Variants in BNC2 observed in about 807,000 individuals in gnomAD.
BNC2 encodes zinc finger protein basonuclin-2.
Under a neutral mutation model 76.3 loss-of-function variants are expected in BNC2, and 20 were observed. The observed-to-expected ratio is 0.26, with a 90% CI of 0.18 to 0.38. The LOEUF (loss-of-function observed/expected upper bound fraction) is 0.38, where lower values mean the gene tolerates loss of function less well. Among genes scored for constraint, BNC2 ranks in the 10% least tolerant of loss-of-function variants. BNC2 has a pLI of 1.00. For synonymous variants in BNC2, 582 were observed against 514.8 expected, an observed-to-expected ratio of 1.13 and a Z score of -1.77; for missense variants, 1,382 against 1,399.8, an observed-to-expected ratio of 0.99 and a Z score of 0.20.
chr9:16,435,193 T>C, intron 6 of BNC2: 11 of 390,668 alleles, frequency 2.8e-5, no homozygotes, highest in Non-Finnish European at 5.0e-5. Context: ...TAAATATATA[T>C]ATAACAGAAG....
At chr9:16,842,349 G>A (rs1162185861) in intron 1 of BNC2, among the ~76,000 whole-genome samples, 1 of 152,142 alleles carries the variant, frequency 6.6e-6, no homozygotes, top group East Asian at 1.9e-4. Context: ...ATGGGTGTTT[G>A]GCACTTGCAT....
intron 1 of BNC2, among the ~76,000 whole-genome samples, chr9:16,851,276 G>C (rs1819120724): frequency 6.6e-6 from 1 of 152,190 alleles, no homozygotes; most frequent in Non-Finnish European, 1.5e-5. Context: ...GGGAGGCCAA[G>C]GCAGGAGGAT....
intron 5 of BNC2, among the ~76,000 whole-genome samples, chr9:16,456,264 T>C (rs745681785): frequency 1.3e-5 from 2 of 152,192 alleles, no homozygotes; most frequent in African/African-American, 4.8e-5. Flanking sequence ...TCTTTCAGCA[T>C]CTGTTTTTAT....
chr9:16,781,309 G>A (rs1260202594), intron 1 of BNC2, among the ~76,000 whole-genome samples: 1 of 151,884 alleles, frequency 6.6e-6, no homozygotes, highest in Non-Finnish European at 1.5e-5. Flanking sequence ...AAAAAAGCAG[G>A]GGCACAGAAG....
chr9:16,659,593 C>T (rs1029195682), intron 3 of BNC2, among the ~76,000 whole-genome samples: 15 of 136,236 alleles, frequency 1.1e-4, no homozygotes, highest in South Asian at 2.3e-4. Flanking sequence ...GGTGACAGAG[C>T]GAGACTCCGT....
intron 3 of BNC2, among the ~76,000 whole-genome samples, chr9:16,670,273 T>A (rs1822436057): frequency 6.6e-6 from 1 of 152,108 alleles, no homozygotes; most frequent in South Asian, 2.1e-4. Context: ...GTGGCAGAAT[T>A]CTGCTAAATA....
intron 5 of BNC2, among the ~76,000 whole-genome samples, chr9:16,441,200 A>C (rs1329876697): frequency 6.6e-6 from 1 of 152,180 alleles, no homozygotes; most frequent in Non-Finnish European, 1.5e-5. Context: ...GCTACTTGGG[A>C]GTTTGAGGTG....
intron 4 of BNC2, among the ~76,000 whole-genome samples, chr9:16,559,723 G>A (rs1050980778): frequency 6.6e-6 from 1 of 152,082 alleles, no homozygotes; most frequent in African/African-American, 2.4e-5. Flanking sequence ...ATTCTCCACA[G>A]TCTCTCCATA....
chr9:16,598,528 G>C (rs1297182798), intron 3 of BNC2, among the ~76,000 whole-genome samples: 1 of 152,140 alleles, frequency 6.6e-6, no homozygotes, highest in African/African-American at 2.4e-5. Flanking sequence ...TTCCTGGTAG[G>C]CTTGGCTGTG....
intron 5 of BNC2, among the ~76,000 whole-genome samples, chr9:16,497,999 G>GTC (rs1822428221): frequency 6.8e-6 from 1 of 147,072 alleles, no homozygotes; most frequent in Admixed American, 6.8e-5. Flanking sequence ...GTGTGTGTGT[G>GTC]TGTGTGTGTG....
chr9:16,721,032 A>G (rs1369867763), intron 3 of BNC2, among the ~76,000 whole-genome samples: 1 of 152,158 alleles, frequency 6.6e-6, no homozygotes. Context: ...TATTTTTCCT[A>G]TTCGTTAAAC....
chr9:16,754,007 G>C (rs1341720983), intron 1 of BNC2, among the ~76,000 whole-genome samples: 6 of 152,178 alleles, frequency 3.9e-5, no homozygotes, highest in African/African-American at 1.2e-4. Context: ...CTCCAGCCCA[G>C]ATGGGCTCCA....
intron 3 of BNC2, among the ~76,000 whole-genome samples, chr9:16,666,253 T>C (rs1822287090): frequency 6.6e-6 from 1 of 152,252 alleles, no homozygotes; most frequent in African/African-American, 2.4e-5. Context: ...AGGGCATCTC[T>C]ATCTATCTGA....
At chr9:16,674,055 C>A (rs1018350050) in intron 3 of BNC2, among the ~76,000 whole-genome samples, 1 of 152,186 alleles carries the variant, frequency 6.6e-6, no homozygotes, top group African/African-American at 2.4e-5. Context: ...TCTGAACCTG[C>A]CTTTTCGGAC....
chr9:16,545,350 C>T (rs1322633252), intron 5 of BNC2, among the ~76,000 whole-genome samples: 1 of 152,260 alleles, frequency 6.6e-6, no homozygotes, highest in East Asian at 1.9e-4. Context: ...GTTAGCATTG[C>T]CTGGATACTT....
At chr9:16,789,863 G>C (rs1052135047) in intron 1 of BNC2, among the ~76,000 whole-genome samples, 1 of 152,182 alleles carries the variant, frequency 6.6e-6, no homozygotes, top group Admixed American at 6.5e-5. Context: ...GTTTCTTAAA[G>C]GCAGGTTTGG....
intron 5 of BNC2, among the ~76,000 whole-genome samples, chr9:16,527,032 G>T (rs188628701): frequency 8.5e-5 from 13 of 152,252 alleles, no homozygotes; most frequent in African/African-American, 2.4e-4. Flanking sequence ...AATTAATTTG[G>T]GGAAGTGTTG....
At chr9:16,758,180 G>A (rs1013574042) in intron 1 of BNC2, among the ~76,000 whole-genome samples, 2 of 150,094 alleles carry the variant, frequency 1.3e-5, no homozygotes, top group African/African-American at 4.9e-5. Context: ...CAATGTTAGA[G>A]CTCTCTTACT....
intron 5 of BNC2, among the ~76,000 whole-genome samples, chr9:16,530,009 A>G (rs942312911): frequency 1.3e-5 from 2 of 151,986 alleles, no homozygotes; most frequent in Non-Finnish European, 1.5e-5. Flanking sequence ...CACCATGCCC[A>G]GCTAATTTTT....
Sources: gnomAD v4.1 joint callset for allele counts (sites outside exome capture counted in the v4.1 genomes callset) on GRCh38, gnomAD v4.1.1 for gene constraint, MANE v1.5 for transcripts, NCBI Gene and HGNC (gene_info 2026-07-23, HGNC 2026-07-21) for gene names.